CNTNAP2: variants seen among roughly 807,000 people sequenced by gnomAD.
The protein encoded by CNTNAP2 is contactin-associated protein-like 2.
CNTNAP2 carries 98 observed loss-of-function variants against 155.2 expected under a neutral mutation model. That is an observed-to-expected ratio of 0.63 (90% CI 0.54 to 0.75). CNTNAP2 has a LOEUF of 0.75. Ranked by LOEUF, CNTNAP2 falls within the 30% of genes least tolerant of loss-of-function variation. The pLI is 0.00. For missense variants in CNTNAP2, 1,727 were observed against 1,688.1 expected, an observed-to-expected ratio of 1.02 and a Z score of -0.40; for synonymous variants, 651 against 631.2, an observed-to-expected ratio of 1.03 and a Z score of -0.47.
chr7:146,757,235 G>A (rs1287471718), intron 1 of CNTNAP2, among the ~76,000 whole-genome samples: 2 of 152,034 alleles, frequency 1.3e-5, no homozygotes, highest in African/African-American at 2.4e-5. Context: ...CGTGTCCTAG[G>A]CTTTTTTGAC....
chr7:147,021,002 T>C (rs1398600504), intron 3 of CNTNAP2, among the ~76,000 whole-genome samples: 1 of 152,134 alleles, frequency 6.6e-6, no homozygotes, highest in East Asian at 1.9e-4. Context: ...ACCCGAGGTT[T>C]TGGATGCATG....
intron 1 of CNTNAP2, among the ~76,000 whole-genome samples, chr7:146,125,103 A>T (rs1797615868): frequency 6.6e-6 from 1 of 152,224 alleles, no homozygotes; most frequent in African/African-American, 2.4e-5. Flanking sequence ...AGAGATTTTC[A>T]ATGGCAGTAA....
intron 21 of CNTNAP2, among the ~76,000 whole-genome samples, chr7:148,331,594 A>ATGGACAGATGGAG (rs1798014983): frequency 9.4e-5 from 1 of 10,684 alleles, no homozygotes; most frequent in African/African-American, 4.4e-4. Context: ...GATGGATGGA[A>ATGGACAGATGGAG]TGGATGGATG....
chr7:147,712,071 ACT>A (rs1316035814), intron 13 of CNTNAP2, among the ~76,000 whole-genome samples: 1 of 152,024 alleles, frequency 6.6e-6, no homozygotes, highest in Non-Finnish European at 1.5e-5. Flanking sequence ...GGTAGGTAAG[ACT>A]CTTCATTCTT....
intron 8 of CNTNAP2, among the ~76,000 whole-genome samples, chr7:147,296,352 T>C (rs1584853605): frequency 6.6e-6 from 1 of 152,220 alleles, no homozygotes; most frequent in African/African-American, 2.4e-5. Context: ...ATCAATTCCT[T>C]GGGAATACCC....
chr7:147,068,088 G>C (rs573501886), intron 4 of CNTNAP2, among the ~76,000 whole-genome samples: 10 of 152,266 alleles, frequency 6.6e-5, no homozygotes, highest in Non-Finnish European at 1.5e-4. Context: ...CTTCTTCAGG[G>C]ATGGCAGGAG....
chr7:146,214,558 T>A (rs1799085118), intron 1 of CNTNAP2, among the ~76,000 whole-genome samples: 2 of 152,164 alleles, frequency 1.3e-5, no homozygotes, highest in African/African-American at 4.8e-5. Context: ...CAGTACAGAA[T>A]AATATTCAAA....
At chr7:146,295,769 A>T (rs1800504576) in intron 1 of CNTNAP2, among the ~76,000 whole-genome samples, 1 of 152,060 alleles carries the variant, frequency 6.6e-6, no homozygotes, top group Admixed American at 6.6e-5. Context: ...ATAATTGTTA[A>T]AAATGAAAAC....
intron 11 of CNTNAP2, among the ~76,000 whole-genome samples, chr7:147,506,448 T>C (rs978852961): frequency 3.3e-5 from 5 of 151,964 alleles, no homozygotes; most frequent in African/African-American, 1.2e-4. Flanking sequence ...AGAGACAAGG[T>C]TTCTCCATGT....
chr7:148,186,465 C>T (rs1795116141), intron 18 of CNTNAP2, among the ~76,000 whole-genome samples: 1 of 152,182 alleles, frequency 6.6e-6, no homozygotes, highest in South Asian at 2.1e-4. Flanking sequence ...GAATGATGTC[C>T]TCTTTATAAC....
chr7:147,166,754 G>T (rs1802121950), intron 8 of CNTNAP2, among the ~76,000 whole-genome samples: 1 of 151,958 alleles, frequency 6.6e-6, no homozygotes, highest in Non-Finnish European at 1.5e-5. Flanking sequence ...GGCAGAGTGG[G>T]GGTCACAAGG....
chr7:147,294,655 G>C (rs986797799), intron 8 of CNTNAP2, among the ~76,000 whole-genome samples: 1 of 151,432 alleles, frequency 6.6e-6, no homozygotes, highest in Non-Finnish European at 1.5e-5. Flanking sequence ...AAACTCCAAA[G>C]ACAATTTTTT....
At chr7:148,121,362 C>T (rs936550821) in intron 16 of CNTNAP2, among the ~76,000 whole-genome samples, 3 of 152,174 alleles carry the variant, frequency 2.0e-5, no homozygotes, top group African/African-American at 4.8e-5. Context: ...TCAGACACTT[C>T]GCCATCAGGA....
chr7:146,644,516 T>C (rs1216282770), intron 1 of CNTNAP2, among the ~76,000 whole-genome samples: 3 of 152,188 alleles, frequency 2.0e-5, no homozygotes, highest in Non-Finnish European at 4.4e-5. Context: ...CTCTTGATCA[T>C]GGTGGATAAG....
chr7:146,882,567 C>G (rs1562985967), intron 3 of CNTNAP2, among the ~76,000 whole-genome samples: 1 of 152,050 alleles, frequency 6.6e-6, no homozygotes, highest in Non-Finnish European at 1.5e-5. Context: ...TTTGCTTCCC[C>G]TTCTGCCATG....
chr7:148,210,788 A>G (rs901145976), intron 18 of CNTNAP2, among the ~76,000 whole-genome samples: 1 of 152,238 alleles, frequency 6.6e-6, no homozygotes, highest in African/African-American at 2.4e-5. Context: ...CCCAGGTCCA[A>G]TGTTGTTAGT....
intron 1 of CNTNAP2, among the ~76,000 whole-genome samples, chr7:146,288,124 C>G (rs1449864779): frequency 6.6e-6 from 1 of 151,410 alleles, no homozygotes. Flanking sequence ...ACATAGGGAC[C>G]CCGTCTCTAC....
At chr7:146,478,895 A>T (rs1365662640) in intron 1 of CNTNAP2, among the ~76,000 whole-genome samples, 2 of 152,136 alleles carry the variant, frequency 1.3e-5, no homozygotes, top group Non-Finnish European at 2.9e-5. Context: ...TAAATTAAAG[A>T]TGGTGTCTAC....
In CNTNAP2 at chr7:148,419,106, TTC is replaced by T. The variant is rs917369120; in HGVS notation, c.*3496_*3497del. ...ATCTGTTCTTTTCTATCCTACTTTT[TTC>T]TCTCTTCCTCTCCTCACCACATTAT... On this transcript the variant is annotated 3_prime_UTR_variant, in exon 24 of 24. Transcript: ENST00000361727. 5 of 152,218 alleles carry T rather than the reference TTC, an allele frequency of 3.3e-5. No homozygotes were observed. The highest frequency in any genetic ancestry group is 7.3e-5 in the Non-Finnish European group (5 of 68,060). The allele number at this position is 152,218 out of a possible 1,614,324, so 9.4% of individuals were successfully genotyped here.
Sources: gnomAD v4.1 joint callset for allele counts (sites outside exome capture counted in the v4.1 genomes callset) on GRCh38, gnomAD v4.1.1 for gene constraint, MANE v1.5 for transcripts, NCBI Gene and HGNC (gene_info 2026-07-23, HGNC 2026-07-21) for gene names.